GDA: variants seen among roughly 807,000 people sequenced by gnomAD.
GDA encodes guanine deaminase, also known as cytoplasmic PSD-95 interactor.
Under a neutral mutation model 59.6 loss-of-function variants are expected in GDA, and 18 were observed. That is an observed-to-expected ratio of 0.30 (90% CI 0.21 to 0.45). The LOEUF is 0.45. GDA is among the 20% of genes least tolerant of loss of function. The probability of loss-of-function intolerance (pLI) is 1.00; values close to 1 mark genes in which losing one functional copy is unlikely to be tolerated. For missense variants in GDA, 427 were observed against 552.3 expected, an observed-to-expected ratio of 0.77 and a Z score of 2.27; for synonymous variants, 201 against 201.1, an observed-to-expected ratio of 1.00 and a Z score of 0.00.
At chr9:72,231,299 G>A (rs1236860594) in intron 10 of GDA, 118 bp downstream of exon 10, 31 of 637,300 alleles carry the variant, frequency 4.9e-5, no homozygotes, top group Middle Eastern at 3.1e-4. Flanking sequence ...GTTTTGGGCC[G>A]GGCACGGTAG....
intron 4 of GDA, among the ~76,000 whole-genome samples, chr9:72,213,521 T>C (rs7851247): frequency 0.31 from 47,222 of 151,696 alleles, 7,596 homozygotes; most frequent in East Asian, 0.52. Flanking sequence ...AGTACTGTTT[T>C]GGCCGGGCGC....
chr9:72,146,258 G>C (rs1314718305), upstream of GDA, among the ~76,000 whole-genome samples: 1 of 152,114 alleles, frequency 6.6e-6, no homozygotes, highest in Non-Finnish European at 1.5e-5. Context: ...TGGGAGAGTG[G>C]AGGTAGCCAA....
In GDA at chr9:72,135,668, G is replaced by A. The variant is rs947105469; in HGVS notation, c.-100+20835G>A. 4.0e-5 allele frequency among the ~76,000 whole-genome samples: 6 copies of A among 151,756 alleles called. No individual in the cohort carries two copies. The East Asian group carries it at 8.0e-4, about 20-fold the overall frequency. On this transcript the variant is annotated intron_variant, in intron 1 of 13. Transcript: ENST00000545168. ...TAGTTGGCCTGGCGCGGTGACTCAC[G>A]CCTGTAATCCAGCACTTTGGGAGGC... is the stretch of plus-strand genomic sequence containing the variant.
intron 5 of GDA, among the ~76,000 whole-genome samples, chr9:72,218,802 T>G (rs913582101): frequency 2.6e-5 from 4 of 152,202 alleles, no homozygotes; most frequent in African/African-American, 9.7e-5. Context: ...AGCCTCCAAG[T>G]GCATAGGACT....
chr9:72,154,306 T>C (rs1218777498), intron 1 of GDA, among the ~76,000 whole-genome samples: 2 of 152,116 alleles, frequency 1.3e-5, no homozygotes, highest in African/African-American at 2.4e-5. Flanking sequence ...ATTTGTAGAG[T>C]CAGATTTCCT....
intron 1 of GDA, among the ~76,000 whole-genome samples, chr9:72,137,599 G>A (rs1304003428): frequency 6.6e-6 from 1 of 151,996 alleles, no homozygotes; most frequent in Non-Finnish European, 1.5e-5. Flanking sequence ...GCTTCTAGAA[G>A]CTCAAAGATC....
intron 1 of GDA, among the ~76,000 whole-genome samples, chr9:72,150,680 A>G (rs557521683): frequency 1.3e-5 from 2 of 152,350 alleles, no homozygotes; most frequent in Non-Finnish European, 2.9e-5. Context: ...AGTTGAAGAT[A>G]CTATTCTTGA....
chr9:72,126,410 C>T (rs1329848285), intron 1 of GDA, among the ~76,000 whole-genome samples: 5 of 152,070 alleles, frequency 3.3e-5, no homozygotes, highest in Non-Finnish European at 7.4e-5. Flanking sequence ...ACAGACTTGC[C>T]AGATGTTGAG....
intron 1 of GDA, among the ~76,000 whole-genome samples, chr9:72,173,821 T>A (rs1394419752): frequency 6.6e-6 from 1 of 151,822 alleles, no homozygotes; most frequent in Non-Finnish European, 1.5e-5. Flanking sequence ...ATTCTGTGAG[T>A]GTGTGTGTGT....
chr9:72,126,759 G>T (rs1825862981), intron 1 of GDA, among the ~76,000 whole-genome samples: 1 of 151,918 alleles, frequency 6.6e-6, no homozygotes, highest in African/African-American at 2.4e-5. Flanking sequence ...TAGAGACGGG[G>T]TTTCATCATG....
At position 72,213,991 on chromosome 9, in the gene GDA, G is replaced by A; in HGVS notation, c.578G>A (p.Arg193Lys). The A allele has an allele frequency of 6.8e-7, 1 of 1,471,566 alleles. No homozygotes were observed. The highest frequency in any genetic ancestry group is 9.5e-7 in the Non-Finnish European group (1 of 1,050,068). The allele number at this position is 1,471,566 out of a possible 1,614,324, so 91.2% of individuals were successfully genotyped here. A position where few individuals can be genotyped will look rare whatever the true frequency, so the allele number is the denominator to read the frequency against. Residue 193 changes from arginine to lysine, a missense_variant and splice_region_variant, in exon 5 of 14, where the codon AGA becomes AAA. Coordinates refer to ENST00000358399, the MANE Select transcript of GDA (RefSeq NM_004293.5). ...GAGGAATCGATCAAGGAAACTGAGAGGTAAAAGGCCCATTTGTCTTGATTT... is the reference window on the plus strand; with the variant it reads ...GAGGAATCGATCAAGGAAACTGAGAAGTAAAAGGCCCATTTGTCTTGATTT... The part of the protein sequence containing the change: ...TTEESIKETE[R>K]FVSEMLQKNY...
At position 72,246,047 on chromosome 9, in the gene GDA, T is replaced by C. The variant is rs1475277681; in HGVS notation, c.1266+769T>C. On this transcript the variant is annotated intron_variant, in intron 12 of 13. Transcript: ENST00000358399. ...ATGAAGTTTGTACCATTTGTTATTA[T>C]AAAAGAGGAAAAATATATTTTTCTC... Among the ~76,000 whole-genome samples the C allele has an allele frequency of 2.0e-5, 3 of 152,322 alleles. No homozygotes were observed. The South Asian group carries it at 6.2e-4, about 32-fold the overall frequency.
chr9:72,210,540 A>G, intron 3 of GDA, 147 bp from the exon 4 acceptor site: 1 of 572,984 alleles, frequency 1.7e-6, no homozygotes, highest in Non-Finnish European at 3.1e-6. Flanking sequence ...ACCTTTTGCC[A>G]TTTACCTAAC....
intron 1 of GDA, among the ~76,000 whole-genome samples, chr9:72,180,054 T>C (rs769750371): frequency 2.0e-4 from 31 of 151,822 alleles, no homozygotes; most frequent in Non-Finnish European, 3.8e-4. Context: ...CAAGGCAGAT[T>C]TCAAGTTTTT....
At chr9:72,175,842 A>G (rs893682186) in intron 1 of GDA, among the ~76,000 whole-genome samples, 1 of 152,206 alleles carries the variant, frequency 6.6e-6, no homozygotes, top group African/African-American at 2.4e-5. Flanking sequence ...AGTCTGCTAT[A>G]AGGAAACCGG....
rs1228668885 is a variant in GDA, at chr9:72,250,608, T to C, written c.*2266T>C. 1.3e-6 allele frequency: 2 copies of C among 1,553,866 alleles called. No individual in the cohort carries two copies. Among genetic ancestry groups the C allele is most frequent in the African/African-American group, 1.4e-5 (1 of 72,634 alleles). ...GCTTTTTTTTCTGTACCACAGGCAT[T>C]ATCTATACCTGGGGCCAGATTTTCT... is the stretch of plus-strand genomic sequence containing the variant. On this transcript the variant is annotated 3_prime_UTR_variant, in exon 14 of 14. Coordinates refer to ENST00000358399, the MANE Select transcript of GDA (RefSeq NM_004293.5).
At chr9:72,258,357 G>A (rs1012580624), downstream of GDA, among the ~76,000 whole-genome samples, 1 of 152,000 alleles carries the variant, frequency 6.6e-6, no homozygotes, top group Non-Finnish European at 1.5e-5. Context: ...AATAAATGGT[G>A]GTAGATTCAG....
intron 1 of GDA, among the ~76,000 whole-genome samples, chr9:72,133,437 T>C (rs1455927007): frequency 2.0e-5 from 3 of 152,138 alleles, no homozygotes; most frequent in Non-Finnish European, 4.4e-5. Context: ...ACATGAATTC[T>C]TTTCCATTTT....
intron 1 of GDA, among the ~76,000 whole-genome samples, chr9:72,180,084 C>T (rs963529939): frequency 2.0e-5 from 3 of 151,970 alleles, no homozygotes; most frequent in South Asian, 2.1e-4. Context: ...GCCATCCGGG[C>T]GCGGTGGCTC....
Sources: gnomAD v4.1 joint callset for allele counts (sites outside exome capture counted in the v4.1 genomes callset) on GRCh38, gnomAD v4.1.1 for gene constraint, MANE v1.5 for transcripts, NCBI Gene and HGNC (gene_info 2026-07-23, HGNC 2026-07-21) for gene names.